The following FAM221A variants were observed in gnomAD, a reference collection of about 807,000 sequenced individuals.
FAM221A encodes protein FAM221A.
A neutral mutation model predicts 37.6 loss-of-function variants in FAM221A; 43 were observed. The ratio of observed to expected loss-of-function variants is 1.15; its 90% CI spans 0.90 to 1.48. The LOEUF is 1.48. Among genes scored for constraint, FAM221A ranks in the 40% most tolerant of loss-of-function variants. The pLI is 0.00. For missense variants in FAM221A, 361 were observed against 361.5 expected (o/e 1.00, Z 0.01); for synonymous variants, 135 against 132.9 (o/e 1.02, Z -0.11).
chr7:23,682,410 T>C (rs1784098584), intron 1 of FAM221A, among the ~76,000 whole-genome samples: 1 of 126,086 alleles, frequency 7.9e-6, no homozygotes, highest in Non-Finnish European at 1.6e-5. Flanking sequence ...TGTATATATA[T>C]ATTTATTATT....
At chr7:23,692,838 G>T in intron 4 of FAM221A, 1 of 736,306 alleles carries the variant, frequency 1.4e-6, no homozygotes, top group Non-Finnish European at 1.7e-6. Context: ...AAAATTATTT[G>T]TATTTATTGT....
intron 3 of FAM221A, among the ~76,000 whole-genome samples, chr7:23,690,213 T>TTAA (rs1784658506): frequency 7.7e-6 from 1 of 129,748 alleles, no homozygotes; most frequent in Admixed American, 7.7e-5. Flanking sequence ...TTTTTTTTTT[T>TTAA]AATAGAGTTT....
chr7:23,700,996 G>A, intron 6 of FAM221A, 128 bp downstream of exon 6: 1 of 630,748 alleles, frequency 1.6e-6, no homozygotes, highest in East Asian at 2.7e-5. Flanking sequence ...GTTGGTGTTA[G>A]GCCTTGAGGC....
chr7:23,682,520 C>G (rs34216588), intron 1 of FAM221A, among the ~76,000 whole-genome samples: 72,487 of 150,148 alleles, frequency 0.48, 18,803 homozygotes, highest in South Asian at 0.72. Context: ...TAACCTCTGC[C>G]TCCGTGGAAG....
intron 1 of FAM221A, 133 bp downstream of exon 1, chr7:23,680,416 C>T (rs953286997): frequency 6.0e-6 from 4 of 666,354 alleles, no homozygotes; most frequent in Non-Finnish European, 1.0e-5. Flanking sequence ...TTGGGGGAGG[C>T]CTAGATGAAT....
downstream of FAM221A, chr7:23,703,160 C>T (rs569102773): frequency 1.3e-5 from 2 of 152,340 alleles, no homozygotes; most frequent in South Asian, 2.1e-4. Context: ...AATAATATAT[C>T]CTTATCTTTC....
At chr7:23,690,281 T>A (rs2128042209) in intron 3 of FAM221A, among the ~76,000 whole-genome samples, 1 of 149,702 alleles carries the variant, frequency 6.7e-6, no homozygotes, top group African/African-American at 2.5e-5. Flanking sequence ...CTTGGCTCAC[T>A]GCAGCCTCTG....
At chr7:23,697,477 C>T (rs17148292) in intron 4 of FAM221A, among the ~76,000 whole-genome samples, 14,055 of 152,226 alleles carry the variant, frequency 0.092, 835 homozygotes, top group African/African-American at 0.17. Flanking sequence ...TTCCTCATTT[C>T]ATTGAAGAGG....
At chr7:23,685,383 G>A (rs893658307) in intron 2 of FAM221A, among the ~76,000 whole-genome samples, 1 of 152,178 alleles carries the variant, frequency 6.6e-6, no homozygotes, top group Non-Finnish European at 1.5e-5. Flanking sequence ...GCTCATCATG[G>A]AGTCTGTCAC....
intron 3 of FAM221A, 139 bp downstream of exon 3, chr7:23,689,598 T>A: frequency 1.7e-6 from 1 of 587,102 alleles, no homozygotes; most frequent in Non-Finnish European, 2.7e-6. Context: ...ATGGCGTTAA[T>A]ATTAAACAAC....
At chr7:23,700,752 T>C in intron 5 of FAM221A, 34 bp from the exon 6 acceptor site, 2 of 1,341,294 alleles carry the variant, frequency 1.5e-6, no homozygotes, top group Non-Finnish European at 2.1e-6. Flanking sequence ...TGTAATGATA[T>C]AAATACATTA....
chr7:23,698,335 A>G (rs1785193658), intron 5 of FAM221A, 36 bp downstream of exon 5: 1 of 1,130,864 alleles, frequency 8.8e-7, no homozygotes, highest in Non-Finnish European at 1.3e-6. Context: ...TTTTGGATGT[A>G]GTAAATTGGA....
At chr7:23,681,855 G>A (rs1392904310) in intron 1 of FAM221A, among the ~76,000 whole-genome samples, 2 of 152,188 alleles carry the variant, frequency 1.3e-5, no homozygotes, top group East Asian at 1.9e-4. Flanking sequence ...GGAAGGTGGG[G>A]TGGGAAGATG....
At chr7:23,685,497 A>G (rs763611936) in intron 2 of FAM221A, among the ~76,000 whole-genome samples, 3 of 152,188 alleles carry the variant, frequency 2.0e-5, no homozygotes, top group Non-Finnish European at 4.4e-5. Flanking sequence ...ATCTCACATC[A>G]TTGGAGAAAG....
chr7:23,686,364 A>G (rs966249027), intron 2 of FAM221A: 2 of 384,734 alleles, frequency 5.2e-6, no homozygotes, highest in South Asian at 1.8e-5. Flanking sequence ...CCTGGGCTCA[A>G]GCGATCCTTC....
intron 2 of FAM221A, among the ~76,000 whole-genome samples, chr7:23,686,122 G>A (rs1417225548): frequency 6.6e-6 from 1 of 152,230 alleles, no homozygotes; most frequent in Admixed American, 6.5e-5. Flanking sequence ...GATAAGGGAT[G>A]TGTTGATATC....
At chr7:23,691,358 A>G in intron 3 of FAM221A, 32 bp from the exon 4 acceptor site, 1 of 1,606,068 alleles carries the variant, frequency 6.2e-7, no homozygotes, top group Non-Finnish European at 8.5e-7. Flanking sequence ...TAGTACCTTT[A>G]AGAATTTAAC....
downstream of FAM221A, chr7:23,703,166 C>G (rs921328619): frequency 6.6e-6 from 1 of 152,210 alleles, no homozygotes; most frequent in Non-Finnish European, 1.5e-5. Context: ...ATATCCTTAT[C>G]TTTCTTTTTT....
Position 23,680,242 on chromosome 7 carries a change from C to A in FAM221A, c.24C>A (p.Leu8=). The A allele has an allele frequency of 1.9e-6, 3 of 1,549,098 alleles. No individual in the cohort carries two copies. The highest frequency in any genetic ancestry group is 2.6e-6 in the Non-Finnish European group (3 of 1,145,968). ...CAATGGAGCGGTTGACGTTGCCTCT[C>A]GGCGGCGCGGCGGCGGTGGACGAGT... The part of the protein sequence containing the change: MERLTLP[L]GGAAAVDEYL... The change falls in exon 1 of 7, where the codon CTC becomes CTA. Residue 8 remains leucine, a synonymous_variant. Transcript: ENST00000344962.
Sources: allele counts gnomAD v4.1 joint callset (sites outside exome capture counted in the v4.1 genomes callset), GRCh38; gene constraint gnomAD v4.1.1; transcripts MANE v1.5; gene names NCBI Gene and HGNC (gene_info 2026-07-23, HGNC 2026-07-21).